The following KLRG1 variants were observed in gnomAD, a reference collection of about 807,000 sequenced individuals.
KLRG1 encodes killer cell lectin like receptor G1.
A neutral mutation model predicts 21.8 loss-of-function variants in KLRG1; 16 were observed. The ratio of observed to expected loss-of-function variants is 0.73; its 90% CI spans 0.50 to 1.11. The LOEUF is 1.11. Among genes scored for constraint, KLRG1 ranks in the 50% most tolerant of loss-of-function variants. The pLI, the probability that KLRG1 is intolerant of heterozygous loss-of-function variation, is 0.00. For missense variants in KLRG1, 173 were observed against 218.3 expected (o/e 0.79, Z 1.31); for synonymous variants, 69 against 75.9 (o/e 0.91, Z 0.47).
the KLRG1 span, among the ~76,000 whole-genome samples, chr12:9,032,175 AG>A: frequency 6.6e-6 from 1 of 152,260 alleles, no homozygotes; most frequent in Non-Finnish European, 1.5e-5. Context: ...CTCAGTGATG[AG>A]TATAATAAAA....
the KLRG1 span, chr12:9,068,822 G>A: frequency 2.5e-6 from 4 of 1,602,442 alleles, no homozygotes; most frequent in Middle Eastern, 1.7e-4. Context: ...TGAAGAACAA[G>A]CTCAGTGTCT....
chr12:9,083,336 A>G, the KLRG1 span, among the ~76,000 whole-genome samples: 1 of 152,034 alleles, frequency 6.6e-6, no homozygotes, highest in African/African-American at 2.4e-5. Flanking sequence ...ACATGTATAC[A>G]TATGTAATAA....
At chr12:9,203,621 G>T in the KLRG1 span, 32 of 886,204 alleles carry the variant, frequency 3.6e-5, no homozygotes, top group South Asian at 1.1e-4. Flanking sequence ...GATTACAGGC[G>T]TGAGCCACCG....
At chr12:9,013,461 T>A (rs144995917), downstream of KLRG1, among the ~76,000 whole-genome samples, 1 of 152,206 alleles carries the variant, frequency 6.6e-6, no homozygotes, top group East Asian at 1.9e-4. Flanking sequence ...GGAAGCTCAA[T>A]GAAATTCAAG....
At chr12:9,169,331 G>T in the KLRG1 span, 1 of 1,178,686 alleles carries the variant, frequency 8.5e-7, no homozygotes, top group Non-Finnish European at 1.2e-6. Context: ...AAATGGAGAG[G>T]CAAGGCTACA....
the KLRG1 span, among the ~76,000 whole-genome samples, chr12:9,177,580 C>T: frequency 6.6e-6 from 1 of 152,208 alleles, no homozygotes; most frequent in East Asian, 1.9e-4. Flanking sequence ...CGCAAACACC[C>T]TTTCTACTTC....
At chr12:9,147,609 T>C in the KLRG1 span, among the ~76,000 whole-genome samples, 1 of 152,184 alleles carries the variant, frequency 6.6e-6, no homozygotes, top group Admixed American at 6.5e-5. Context: ...CTGGTGTTCA[T>C]GTGTGGGACA....
At chr12:9,163,860 A>G in the KLRG1 span, 2 of 1,509,862 alleles carry the variant, frequency 1.3e-6, no homozygotes, top group African/African-American at 1.4e-5. Flanking sequence ...GCTGCACCTT[A>G]AACTTATAGT....
At chr12:9,094,869 A>T in the KLRG1 span, 1 of 549,366 alleles carries the variant, frequency 1.8e-6, no homozygotes, top group Non-Finnish European at 3.0e-6. Context: ...TGTATGACTC[A>T]CATGTCCTTT....
the KLRG1 span, among the ~76,000 whole-genome samples, chr12:9,194,618 C>G: frequency 6.6e-6 from 1 of 152,162 alleles, no homozygotes; most frequent in South Asian, 2.1e-4. Flanking sequence ...GCGCCCGCCA[C>G]CCCGCCCAGC....
At chr12:9,202,285 C>T in the KLRG1 span, 2 of 1,578,966 alleles carry the variant, frequency 1.3e-6, no homozygotes, top group East Asian at 2.2e-5. Context: ...TCCCACTCTA[C>T]CCACAACCCA....
the KLRG1 span, among the ~76,000 whole-genome samples, chr12:9,212,001 T>C: frequency 6.6e-6 from 1 of 152,166 alleles, no homozygotes; most frequent in Non-Finnish European, 1.5e-5. Flanking sequence ...GTCCACAGAT[T>C]GTAGGCTAGT....
the KLRG1 span, chr12:9,104,140 C>G: frequency 3.2e-6 from 4 of 1,231,764 alleles, no homozygotes; most frequent in African/African-American, 4.7e-5. Context: ...TTTTTTCTCT[C>G]CATAGAACTA....
chr12:9,014,426 C>T (rs1947672157), downstream of KLRG1, among the ~76,000 whole-genome samples: 1 of 152,016 alleles, frequency 6.6e-6, no homozygotes, highest in Non-Finnish European at 1.5e-5. Flanking sequence ...TCAGTGGAAA[C>T]CTTACAGGTC....
At chr12:9,030,378 C>T in the KLRG1 span, among the ~76,000 whole-genome samples, 6 of 152,072 alleles carry the variant, frequency 3.9e-5, no homozygotes, top group Admixed American at 6.5e-5. Flanking sequence ...CCATGTTGTG[C>T]AGCCATTATC....
the KLRG1 span, among the ~76,000 whole-genome samples, chr12:9,095,984 C>T: frequency 4.6e-5 from 7 of 151,700 alleles, no homozygotes; most frequent in East Asian, 1.4e-3. Context: ...TGGTCTCGAT[C>T]TCCTGACCTC....
chr12:8,973,149 A>C (rs1946598373), intron 1 of KLRG1, among the ~76,000 whole-genome samples: 1 of 126,620 alleles, frequency 7.9e-6, no homozygotes, highest in Non-Finnish European at 1.6e-5. Context: ...ACAGAGCGAG[A>C]CTCCATCTCA....
At chr12:9,083,513 A>G in the KLRG1 span, among the ~76,000 whole-genome samples, 1 of 152,134 alleles carries the variant, frequency 6.6e-6, no homozygotes, top group East Asian at 1.9e-4. Flanking sequence ...GACTAAAATT[A>G]AAAATTCAAA....
the KLRG1 span, chr12:9,169,653 A>T: frequency 2.8e-6 from 4 of 1,403,908 alleles, no homozygotes; most frequent in East Asian, 1.0e-4. Flanking sequence ...AATAGAATGA[A>T]CTGAGAGAAA....
Sources: allele counts gnomAD v4.1 joint callset (sites outside exome capture counted in the v4.1 genomes callset), GRCh38; gene constraint gnomAD v4.1.1; transcripts MANE v1.5; gene names NCBI Gene and HGNC (gene_info 2026-07-23, HGNC 2026-07-21).